CMSS1: variants seen among roughly 807,000 people sequenced by gnomAD.
The protein encoded by CMSS1 is protein CMSS1.
A neutral mutation model predicts 43.5 loss-of-function variants in CMSS1; 33 were observed. That is an observed-to-expected ratio of 0.76 (90% CI 0.57 to 1.01). The LOEUF (loss-of-function observed/expected upper bound fraction) is 1.01. Ranked by LOEUF, CMSS1 falls within the 50% of genes least tolerant of loss-of-function variation. The pLI, the probability that CMSS1 is intolerant of heterozygous loss-of-function variation, is 0.00. For synonymous variants in CMSS1, 115 were observed against 117.2 expected (o/e 0.98, Z 0.12); for missense variants, 313 against 326.4 (o/e 0.96, Z 0.32).
chr3:99,920,737 G>A (rs549778722), intron 1 of CMSS1, among the ~76,000 whole-genome samples: 2 of 152,270 alleles, frequency 1.3e-5, no homozygotes, highest in Admixed American at 1.3e-4. Context: ...ATTTTGGCCT[G>A]AGCTCAATGT....
At chr3:99,987,042 A>C (rs1364844897) in intron 1 of CMSS1, among the ~76,000 whole-genome samples, 2 of 151,774 alleles carry the variant, frequency 1.3e-5, no homozygotes, top group Non-Finnish European at 2.9e-5. Context: ...CAGCCTGGGC[A>C]ACATAGTGAC....
At chr3:99,837,398 G>A (rs1006582349) in intron 1 of CMSS1, among the ~76,000 whole-genome samples, 1 of 146,548 alleles carries the variant, frequency 6.8e-6, no homozygotes, top group South Asian at 2.1e-4. Flanking sequence ...AAAGGCATAA[G>A]AATAGAAGAA....
chr3:99,950,771 C>G (rs985837922), intron 1 of CMSS1, among the ~76,000 whole-genome samples: 3 of 152,152 alleles, frequency 2.0e-5, no homozygotes, highest in Non-Finnish European at 4.4e-5. Flanking sequence ...GCTTTGTGCT[C>G]ATTGAATATG....
chr3:99,977,636 C>T (rs1471715398), intron 1 of CMSS1, among the ~76,000 whole-genome samples: 1 of 151,428 alleles, frequency 6.6e-6, no homozygotes, highest in Non-Finnish European at 1.5e-5. Flanking sequence ...GTATACAGGC[C>T]CTAAAGTGTA....
At chr3:99,998,811 C>T (rs887020269) in intron 1 of CMSS1, among the ~76,000 whole-genome samples, 3 of 152,172 alleles carry the variant, frequency 2.0e-5, no homozygotes, top group Admixed American at 1.3e-4. Flanking sequence ...CCTCGTGATC[C>T]GCCCGCCTTA....
chr3:100,167,979 G>T, intron 6 of CMSS1, 139 bp downstream of exon 6: 3 of 536,732 alleles, frequency 5.6e-6, no homozygotes, highest in Non-Finnish European at 3.3e-6. Context: ...ATTTCAGTGG[G>T]GGAGACAGAT....
At chr3:99,850,882 G>C in intron 1 of CMSS1, 1 of 1,614,182 alleles carries the variant, frequency 6.2e-7, no homozygotes, top group Non-Finnish European at 8.5e-7. Flanking sequence ...CTTTGCATTT[G>C]TGGTCAGCTC....
chr3:100,114,064 CGTGCAGGTGTT>C (rs1258565078), intron 1 of CMSS1: 3 of 151,834 alleles, frequency 2.0e-5, no homozygotes, highest in Non-Finnish European at 4.4e-5. Context: ...GTGCAGGTAC[CGTGCAGGTGTT>C]GATCACACCT....
At chr3:99,849,886 G>A (rs374615472) in intron 1 of CMSS1, 1 of 1,611,428 alleles carries the variant, frequency 6.2e-7, no homozygotes, top group Non-Finnish European at 8.5e-7. Context: ...TTTCTCAATT[G>A]CTTCCAATGA....
chr3:100,067,854 T>C (rs147760192), intron 1 of CMSS1, among the ~76,000 whole-genome samples: 116 of 152,208 alleles, frequency 7.6e-4, no homozygotes, highest in Admixed American at 1.2e-3. Flanking sequence ...CTGGGTATAG[T>C]ACAATAGGGA....
Position 99,909,797 on chromosome 3 carries a change from C to A in CMSS1, c.64+91754C>A, listed in dbSNP as rs539189352. On this transcript the variant is annotated intron_variant, in intron 1 of 9. Transcript: ENST00000421999. ...ATTTTGCCACATTTTTATTCCATTT[C>A]CATTCAACTGCCTATTGAATTCTGA... Among the ~76,000 whole-genome samples, 5 of 152,272 alleles carry A rather than the reference C, an allele frequency of 3.3e-5. No individual in the cohort carries two copies. In the South Asian group the frequency reaches 1.0e-3, roughly 32 times the overall value.
At chr3:99,888,764 C>T (rs747501569) in intron 1 of CMSS1, among the ~76,000 whole-genome samples, 3 of 152,138 alleles carry the variant, frequency 2.0e-5, no homozygotes, top group Non-Finnish European at 4.4e-5. Flanking sequence ...AATTCTATAA[C>T]CATCTTTGTT....
intron 1 of CMSS1, among the ~76,000 whole-genome samples, chr3:99,961,321 T>A (rs558458462): frequency 1.3e-5 from 2 of 152,252 alleles, no homozygotes; most frequent in South Asian, 2.1e-4. Flanking sequence ...CCTCTGAGTA[T>A]TTTTTTAACC....
chr3:99,915,650 G>C (rs946315291), intron 1 of CMSS1, among the ~76,000 whole-genome samples: 1 of 152,034 alleles, frequency 6.6e-6, no homozygotes, highest in Admixed American at 6.6e-5. Context: ...AAAGTTCACA[G>C]AGCACTGTCT....
At chr3:100,002,626 A>G (rs1289209651) in intron 1 of CMSS1, among the ~76,000 whole-genome samples, 1 of 152,232 alleles carries the variant, frequency 6.6e-6, no homozygotes, top group Non-Finnish European at 1.5e-5. Flanking sequence ...TCTGTCCATC[A>G]TATGGGTGTG....
At chr3:100,141,571 C>T (rs2066805222) in intron 1 of CMSS1, 2 of 456,124 alleles carry the variant, frequency 4.4e-6, no homozygotes, top group Non-Finnish European at 8.8e-6. Flanking sequence ...AAGCAAATAC[C>T]TGAAAACCTA....
chr3:100,107,332 G>A (rs1447664479), intron 1 of CMSS1, among the ~76,000 whole-genome samples: 1 of 152,130 alleles, frequency 6.6e-6, no homozygotes, highest in Admixed American at 6.6e-5. Context: ...AAATGACAAA[G>A]TGCATGTGGG....
intron 1 of CMSS1, among the ~76,000 whole-genome samples, chr3:99,970,776 A>G (rs1162963782): frequency 2.0e-5 from 3 of 152,226 alleles, no homozygotes; most frequent in Admixed American, 1.3e-4. Context: ...TTACCATTCT[A>G]AAGACCTTAA....
intron 1 of CMSS1, among the ~76,000 whole-genome samples, chr3:100,144,401 G>A (rs913360277): frequency 2.0e-5 from 3 of 152,216 alleles, no homozygotes; most frequent in African/African-American, 4.8e-5. Context: ...GGAGGGGATG[G>A]AAGTCCAGGC....
Sources: allele counts gnomAD v4.1 joint callset (sites outside exome capture counted in the v4.1 genomes callset), GRCh38; gene constraint gnomAD v4.1.1; transcripts MANE v1.5; gene names NCBI Gene and HGNC (gene_info 2026-07-23, HGNC 2026-07-21).